KALRN: variants seen among roughly 807,000 people sequenced by gnomAD.
KALRN encodes the protein kalirin RhoGEF kinase.
In KALRN, 70 loss-of-function variants were observed where a neutral mutation model predicts 353.7. That is an observed-to-expected ratio of 0.20 (90% CI 0.16 to 0.24). KALRN has a LOEUF of 0.24. KALRN is among the 10% of genes least tolerant of loss of function. KALRN has a pLI of 1.00. For synonymous variants in KALRN, 1,391 were observed against 1,434.8 expected, an observed-to-expected ratio of 0.97 and a Z score of 0.69; for missense variants, 2,791 against 3,756.7, an observed-to-expected ratio of 0.74 and a Z score of 6.72.
intron 33 of KALRN, among the ~76,000 whole-genome samples, chr3:124,548,876 A>T (rs1242360885): frequency 1.3e-5 from 2 of 151,922 alleles, no homozygotes; most frequent in African/African-American, 4.8e-5. Flanking sequence ...CTGGTCTCAT[A>T]CTCCTCACCT....
intron 1 of KALRN, among the ~76,000 whole-genome samples, chr3:124,190,897 TC>T (rs1470067789): frequency 6.6e-6 from 1 of 152,146 alleles, no homozygotes; most frequent in African/African-American, 2.4e-5. Context: ...AAGGGCTTAG[TC>T]CCTAAGTGTC....
intron 33 of KALRN, among the ~76,000 whole-genome samples, chr3:124,520,897 TCA>T (rs2067108526): frequency 6.6e-6 from 1 of 152,170 alleles, no homozygotes; most frequent in Non-Finnish European, 1.5e-5. Context: ...TAACTTAAAC[TCA>T]CAGCCAGAAC....
chr3:124,150,625 A>G (rs1328130277), intron 1 of KALRN, among the ~76,000 whole-genome samples: 3 of 152,218 alleles, frequency 2.0e-5, no homozygotes, highest in Non-Finnish European at 2.9e-5. Flanking sequence ...TGAGTTTGCA[A>G]AGCAGTTTTC....
intron 57 of KALRN, among the ~76,000 whole-genome samples, chr3:124,704,131 C>T (rs959244585): frequency 2.6e-5 from 4 of 152,116 alleles, no homozygotes; most frequent in South Asian, 4.1e-4. Context: ...CTCATCATAT[C>T]GATTATTGTC....
intron 1 of KALRN, among the ~76,000 whole-genome samples, chr3:124,109,831 T>C (rs4578969): frequency 0.084 from 81 of 964 alleles, 35 homozygotes; most frequent in East Asian, 0.33. Flanking sequence ...TTGATATATA[T>C]ATGACATATA....
At chr3:124,090,265 G>A (rs188878170) in intron 1 of KALRN, among the ~76,000 whole-genome samples, 1 of 152,300 alleles carries the variant, frequency 6.6e-6, no homozygotes, top group Admixed American at 6.5e-5. Context: ...GGCAGTGAAA[G>A]GTTGTCTTCC....
chr3:124,197,540 T>G (rs557371115), intron 1 of KALRN, among the ~76,000 whole-genome samples: 1 of 152,310 alleles, frequency 6.6e-6, no homozygotes, highest in South Asian at 2.1e-4. Context: ...AGAACACTTT[T>G]CCGGTTGTGG....
At chr3:124,560,751 A>G (rs1376497168) in intron 33 of KALRN, among the ~76,000 whole-genome samples, 1 of 152,016 alleles carries the variant, frequency 6.6e-6, no homozygotes, top group Non-Finnish European at 1.5e-5. Context: ...TACTGGGTAC[A>G]CACCGGTCCC....
chr3:124,674,468 G>A lies in KALRN; in HGVS notation c.7047G>A (p.Gln2349=). 6.2e-7 allele frequency: 1 copy of A among 1,614,068 alleles called. No individual in the cohort carries two copies. Among genetic ancestry groups the A allele is most frequent in the East Asian group, 2.2e-5 (1 of 44,876 alleles). Residue 2349 remains glutamine (Q), a synonymous_variant, in exon 49 of 60, where the codon CAG becomes CAA. Coordinates refer to ENST00000682506, the MANE Select transcript of KALRN (RefSeq NM_001388419.1). ...EICVSQGEVV[Q]VLAVNQQNMC... ...GTGTGAGCCAAGGTGAGGTGGTCCA[G>A]GTCCTCGCCGTCAACCAGCAGAACA... is the stretch of plus-strand genomic sequence containing the variant.
At chr3:124,517,691 A>G (rs1192438705) in intron 33 of KALRN, among the ~76,000 whole-genome samples, 1 of 152,166 alleles carries the variant, frequency 6.6e-6, no homozygotes, top group Admixed American at 6.5e-5. Flanking sequence ...TCTCTCACTC[A>G]GGAATTCACT....
chr3:124,330,586 G>A (rs2080449048), intron 8 of KALRN, among the ~76,000 whole-genome samples: 1 of 152,158 alleles, frequency 6.6e-6, no homozygotes, highest in South Asian at 2.1e-4. Flanking sequence ...GGGGGTTACT[G>A]TAAAGTTAAG....
intron 3 of KALRN, among the ~76,000 whole-genome samples, chr3:124,264,056 A>ATT (rs5852399): frequency 1.4e-5 from 2 of 143,340 alleles, no homozygotes; most frequent in Non-Finnish European, 3.1e-5. Context: ...TGGACTTTGG[A>ATT]TTTTTTTTTT....
At chr3:124,490,247 G>T (rs965339989) in intron 29 of KALRN, among the ~76,000 whole-genome samples, 1 of 152,144 alleles carries the variant, frequency 6.6e-6, no homozygotes, top group Non-Finnish European at 1.5e-5. Flanking sequence ...ATAATAATAA[G>T]AAGAATTAAG....
At chr3:124,630,573 G>C in intron 34 of KALRN, among the ~76,000 whole-genome samples, 1 of 152,054 alleles carries the variant, frequency 6.6e-6, no homozygotes, top group South Asian at 2.1e-4. Flanking sequence ...CAGTAGTGTA[G>C]TTTAGTGCTC....
chr3:124,309,525 G>C (rs2078038684), intron 6 of KALRN, among the ~76,000 whole-genome samples: 1 of 151,994 alleles, frequency 6.6e-6, no homozygotes, highest in Non-Finnish European at 1.5e-5. Context: ...TCGTGTCATT[G>C]CACTCCAGCC....
intron 6 of KALRN, among the ~76,000 whole-genome samples, chr3:124,316,169 C>T (rs1173095910): frequency 1.3e-5 from 2 of 152,148 alleles, no homozygotes; most frequent in Non-Finnish European, 2.9e-5. Context: ...CAAAATATAT[C>T]CAGAATCTGG....
chr3:124,246,627 A>G (rs2070314303), intron 3 of KALRN, among the ~76,000 whole-genome samples: 1 of 152,170 alleles, frequency 6.6e-6, no homozygotes, highest in African/African-American at 2.4e-5. Flanking sequence ...CTTTCTGGGC[A>G]GCAATGTTGA....
chr3:124,205,657 T>C lies in KALRN; in HGVS notation c.74-22333T>C, dbSNP rs1162110650. ...GGTACCATTTAATGGAAACACCTAC[T>C]GGAGGTTGGAGATGCAACTGGTTGA... On this transcript the variant is annotated intron_variant, in intron 1 of 59. Transcript: ENST00000682506. Among the ~76,000 whole-genome samples the C allele has an allele frequency of 2.6e-5, 4 of 152,326 alleles. No individual in the cohort carries two copies. The East Asian group carries it at 7.7e-4, about 29-fold the overall frequency.
At chr3:124,386,433 G>C (rs1035326866) in intron 11 of KALRN, among the ~76,000 whole-genome samples, 1 of 152,116 alleles carries the variant, frequency 6.6e-6, no homozygotes, top group Non-Finnish European at 1.5e-5. Context: ...TGGTGGACCG[G>C]GGTCAGTTTC....
Sources: gnomAD v4.1 joint callset for allele counts (sites outside exome capture counted in the v4.1 genomes callset) on GRCh38, gnomAD v4.1.1 for gene constraint, MANE v1.5 for transcripts, NCBI Gene and HGNC (gene_info 2026-07-23, HGNC 2026-07-21) for gene names.